The following NRXN1 variants were observed in gnomAD, a reference collection of about 807,000 sequenced individuals.
The protein encoded by NRXN1 is neurexin 1.
NRXN1 carries 39 observed loss-of-function variants against 150.9 expected under a neutral mutation model. The observed-to-expected ratio is 0.26, with a 90% confidence interval of 0.20 to 0.34. The LOEUF (loss-of-function observed/expected upper bound fraction) is 0.34, where lower values mean the gene tolerates loss of function less well. Among genes scored for constraint, NRXN1 ranks in the 10% least tolerant of loss-of-function variants. NRXN1 has a pLI of 1.00. For synonymous variants in NRXN1, 924 were observed against 757.0 expected (o/e 1.22, Z -3.62); for missense variants, 1,815 against 1,949.9 (o/e 0.93, Z 1.30).
intron 18 of NRXN1, among the ~76,000 whole-genome samples, 176 bp downstream of exon 18, chr2:50,236,613 G>A (rs887162242): frequency 2.0e-5 from 3 of 150,186 alleles, no homozygotes; most frequent in Admixed American, 6.7e-5. Context: ...TGTAAAGAAC[G>A]CGATTAACTA....
chr2:50,069,246 C>G (rs1695837949), intron 19 of NRXN1, among the ~76,000 whole-genome samples: 1 of 152,172 alleles, frequency 6.6e-6, no homozygotes, highest in African/African-American at 2.4e-5. Flanking sequence ...CCCAATAATG[C>G]TCCTGGCAAA....
At chr2:50,969,956 G>C (rs919806505) in intron 2 of NRXN1, among the ~76,000 whole-genome samples, 1 of 152,118 alleles carries the variant, frequency 6.6e-6, no homozygotes, top group Non-Finnish European at 1.5e-5. Context: ...AAAAGGGTAA[G>C]AACTAATGCT....
At chr2:50,077,944 C>A (rs888451913) in intron 19 of NRXN1, among the ~76,000 whole-genome samples, 2 of 151,936 alleles carry the variant, frequency 1.3e-5, no homozygotes, top group African/African-American at 2.4e-5. Flanking sequence ...CAGTTAAATT[C>A]ATAAAGCTAA....
intron 18 of NRXN1, among the ~76,000 whole-genome samples, chr2:50,200,313 G>A (rs2152832565): frequency 6.6e-6 from 1 of 152,192 alleles, no homozygotes; most frequent in South Asian, 2.1e-4. Context: ...CATCTCTGCT[G>A]CTTTCACTGT....
At chr2:50,824,374 A>G (rs1186907662) in intron 5 of NRXN1, among the ~76,000 whole-genome samples, 7 of 151,930 alleles carry the variant, frequency 4.6e-5, no homozygotes, top group African/African-American at 1.7e-4. Context: ...ATAGATCTTA[A>G]ATACTTAAAG....
At chr2:50,078,848 T>C (rs1697481650) in intron 19 of NRXN1, among the ~76,000 whole-genome samples, 1 of 152,096 alleles carries the variant, frequency 6.6e-6, no homozygotes, top group Admixed American at 6.5e-5. Flanking sequence ...CTGCTGAGTT[T>C]TTCTGAAGAA....
intron 16 of NRXN1, among the ~76,000 whole-genome samples, chr2:50,469,531 C>G (rs1246318615): frequency 6.6e-6 from 1 of 151,374 alleles, no homozygotes; most frequent in African/African-American, 2.4e-5. Flanking sequence ...GGTTTGGACT[C>G]AAATTCCATG....
At chr2:50,238,758 A>G (rs1559149382) in intron 17 of NRXN1, among the ~76,000 whole-genome samples, 1 of 152,014 alleles carries the variant, frequency 6.6e-6, no homozygotes, top group Non-Finnish European at 1.5e-5. Flanking sequence ...CAGGCCTTTG[A>G]GAAATTCCAA....
rs1702840892 is a variant in NRXN1 at position 50,114,941 on chromosome 2, T to A, written c.3547-23447A>T. On this transcript the variant is annotated intron_variant, in intron 18 of 22. Transcript: ENST00000401669. ...CGTGTGATATTATAATGGTTAGTAC[T>A]AGTCATTATACATTTGCCAAAACCC... Among the ~76,000 whole-genome samples the A allele has an allele frequency of 4.0e-5, 6 of 151,816 alleles. No homozygotes were observed. In the South Asian group the frequency reaches 1.2e-3, roughly 31 times the overall value.
chr2:50,305,117 C>T (rs528660326), intron 17 of NRXN1, among the ~76,000 whole-genome samples: 2 of 152,036 alleles, frequency 1.3e-5, no homozygotes, highest in African/African-American at 2.4e-5. Flanking sequence ...GGAAAAGGTA[C>T]TCACTAGTTT....
chr2:50,940,925 T>C lies in NRXN1; in HGVS notation c.773-14970A>G, dbSNP rs543627859. Among the ~76,000 whole-genome samples the C allele has an allele frequency of 2.6e-5, 4 of 152,254 alleles. 1 individual carries two copies. Among genetic ancestry groups the C allele is most frequent in the African/African-American group, 9.6e-5 (4 of 41,562 alleles). On this transcript the variant is annotated intron_variant, in intron 2 of 22. Coordinates refer to ENST00000401669, the MANE Select transcript of NRXN1 (RefSeq NM_001330078.2). ...TTTGCCGGCCTGAGATAGAGATGTA[T>C]TGCTATGGTTTGGCTCTGTTTCTCC...
At chr2:49,980,179 C>T (rs1207576926) in intron 21 of NRXN1, among the ~76,000 whole-genome samples, 2 of 152,204 alleles carry the variant, frequency 1.3e-5, no homozygotes, top group African/African-American at 2.4e-5. Flanking sequence ...TCAGAACTAG[C>T]GTTCCAGAAT....
intron 5 of NRXN1, among the ~76,000 whole-genome samples, chr2:50,699,193 A>C (rs1693380525): frequency 6.6e-6 from 1 of 152,160 alleles, no homozygotes. Context: ...ATTAAATGGA[A>C]ACAAAAGCAT....
chr2:50,512,422 TACA>T (rs139823326), intron 12 of NRXN1, among the ~76,000 whole-genome samples: 3,073 of 152,344 alleles, frequency 0.02, 111 homozygotes, highest in African/African-American at 0.07. Flanking sequence ...GTAATTATGT[TACA>T]ACTATTTTTG....
intron 15 of NRXN1, among the ~76,000 whole-genome samples, chr2:50,487,041 G>A (rs1463474587): frequency 6.6e-6 from 1 of 152,146 alleles, no homozygotes. Flanking sequence ...TTGTTCTGGT[G>A]AGATGCTTAA....
intron 5 of NRXN1, among the ~76,000 whole-genome samples, chr2:50,743,054 A>G (rs1393138699): frequency 6.6e-6 from 1 of 152,210 alleles, no homozygotes; most frequent in Non-Finnish European, 1.5e-5. Context: ...GGTTTCCAAA[A>G]TAACACTGAC....
At chr2:50,349,898 A>G (rs1166952771) in intron 17 of NRXN1, among the ~76,000 whole-genome samples, 1 of 152,218 alleles carries the variant, frequency 6.6e-6, no homozygotes, top group Non-Finnish European at 1.5e-5. Context: ...TTCCTCCCCA[A>G]ATAAATGGTA....
chr2:50,022,291 T>G (rs1465754477), intron 21 of NRXN1, among the ~76,000 whole-genome samples: 1 of 152,220 alleles, frequency 6.6e-6, no homozygotes, highest in Non-Finnish European at 1.5e-5. Context: ...TACAGGCAAT[T>G]TTTTAAAACC....
chr2:50,760,479 G>A (rs904966298), intron 5 of NRXN1, among the ~76,000 whole-genome samples: 5 of 151,736 alleles, frequency 3.3e-5, no homozygotes, highest in African/African-American at 4.8e-5. Context: ...GAAGACTCCT[G>A]CAATGAGGGG....
Sources: gnomAD v4.1 joint callset for allele counts (sites outside exome capture counted in the v4.1 genomes callset) on GRCh38, gnomAD v4.1.1 for gene constraint, MANE v1.5 for transcripts, NCBI Gene and HGNC (gene_info 2026-07-23, HGNC 2026-07-21) for gene names.